Variants in ADCY2 observed in about 807,000 individuals in gnomAD.
ADCY2 encodes adenylate cyclase 2.
Under a neutral mutation model 125.2 loss-of-function variants are expected in ADCY2, and 31 were observed. The observed-to-expected ratio is 0.25, with a 90% CI of 0.19 to 0.33. The LOEUF (loss-of-function observed/expected upper bound fraction) is 0.33, where lower values mean the gene tolerates loss of function less well. Ranked by LOEUF, ADCY2 falls within the 10% of genes least tolerant of loss-of-function variation. ADCY2 has a pLI of 1.00. For missense variants in ADCY2, 904 were observed against 1,418.2 expected, an observed-to-expected ratio of 0.64 and a Z score of 5.82; for synonymous variants, 512 against 548.4, an observed-to-expected ratio of 0.93 and a Z score of 0.93.
chr5:7,770,718 GTTCCTGGGGCAAT>G (rs1296729010), intron 17 of ADCY2, among the ~76,000 whole-genome samples: 1 of 152,294 alleles, frequency 6.6e-6, no homozygotes, highest in South Asian at 2.1e-4. Flanking sequence ...GCCCCCACCA[GTTCCTGGGGCAAT>G]TTCCTGGGTT....
chr5:7,688,266 T>C, intron 4 of ADCY2, among the ~76,000 whole-genome samples: 1 of 87,064 alleles, frequency 1.1e-5, no homozygotes, highest in East Asian at 9.3e-4. Context: ...CTCCTGATTT[T>C]TTTTGTTGTT....
rs1210571525 is a variant in ADCY2, at chr5:7,820,779, TAAAAC to T, written c.3123+94_3123+98del. On this transcript the variant is annotated intron_variant, in intron 24 of 24. Transcript: ENST00000338316. ...AAGTATAATAAGGATACTAATATAT[TAAAAC>T]AAAGGAAAAAAGTAAACCTTGAAAT... The T allele has an allele frequency of 1.0e-4, 140 of 1,387,698 alleles. 1 individual carries two copies. Among genetic ancestry groups the T allele is most frequent in the Non-Finnish European group, 1.2e-4 (132 of 1,061,598 alleles). The allele number at this position is 1,387,698 out of a possible 1,614,324, so 86.0% of individuals were successfully genotyped here.
chr5:7,634,102 C>T (rs1056919087), intron 4 of ADCY2, among the ~76,000 whole-genome samples: 2 of 152,132 alleles, frequency 1.3e-5, no homozygotes, highest in Non-Finnish European at 2.9e-5. Context: ...CACAGATAGG[C>T]CACTATGCCT....
At chr5:7,603,787 T>A in intron 3 of ADCY2, among the ~76,000 whole-genome samples, 1 of 87,120 alleles carries the variant, frequency 1.1e-5, no homozygotes, top group African/African-American at 4.0e-5. Context: ...TCTCTTTCTT[T>A]TTTTTTTTTT....
chr5:7,643,438 T>C (rs1025403846), intron 4 of ADCY2, among the ~76,000 whole-genome samples: 4 of 152,072 alleles, frequency 2.6e-5, no homozygotes, highest in African/African-American at 7.2e-5. Flanking sequence ...TTTCATCCCC[T>C]GAAATTTTTA....
intron 3 of ADCY2, among the ~76,000 whole-genome samples, chr5:7,596,886 C>T (rs1308345447): frequency 6.6e-6 from 1 of 152,144 alleles, no homozygotes; most frequent in Non-Finnish European, 1.5e-5. Context: ...AAAATTTAGT[C>T]CTCATTTCAC....
At position 7,520,897 on chromosome 5, in the gene ADCY2, C is replaced by A; in HGVS notation, c.568C>A (p.Gln190Lys). 1 of 1,613,930 alleles carries A rather than the reference C, an allele frequency of 6.2e-7. No homozygotes were observed. The highest frequency in any genetic ancestry group is 1.3e-5 in the African/African-American group (1 of 75,044). Residue 190 changes from glutamine to lysine, a missense_variant and splice_region_variant, in exon 3 of 25, where the codon CAG becomes AAG. This residue lies in a region of ADCY2 where 121 missense variants were observed against 161.5 expected (regional missense o/e 0.75). Transcript: ENST00000338316. ...TPGGKEHLVW[Q>K]ILANVIIFIC... ...GGGAGGCAAGGAGCACCTGGTCTGG[C>A]AGGTGGGTGCACCTCCACATCCATG...
At chr5:7,627,090 A>C (rs1006297881) in intron 4 of ADCY2, among the ~76,000 whole-genome samples, 15 of 151,984 alleles carry the variant, frequency 9.9e-5, no homozygotes, top group African/African-American at 3.6e-4. Flanking sequence ...CCTCCCCCTC[A>C]TCGCCCCCTC....
rs569591465 is a variant in ADCY2 at position 7,779,239 on chromosome 5, T to C, written c.2385-5126T>C. Among the ~76,000 whole-genome samples the C allele has an allele frequency of 3.9e-5, 6 of 152,346 alleles. No homozygotes were observed. In the South Asian group the frequency reaches 1.2e-3, roughly 32 times the overall value. On this transcript the variant is annotated intron_variant, in intron 18 of 24. Transcript: ENST00000338316. ...AGAGCAACCGTTAGTGAACTACTTC[T>C]CTATCTGACCTAAAACAGAAAATGT...
chr5:7,759,659 A>G lies in ADCY2; in HGVS notation c.2094+2073A>G, dbSNP rs192088420. Reference sequence around the variant, plus strand: ...TCTGGGGGAGGAGGCCTCCTCTTCTAGGTCTCAGGCGTGCCTGGATGGTGA... The same window carrying G: ...TCTGGGGGAGGAGGCCTCCTCTTCTGGGTCTCAGGCGTGCCTGGATGGTGA... On this transcript the variant is annotated intron_variant, in intron 16 of 24. Transcript: ENST00000338316. Among the ~76,000 whole-genome samples, 990 of 152,292 alleles carry G rather than the reference A, an allele frequency of 6.5e-3. 4 individuals carry two copies. Among genetic ancestry groups the G allele is most frequent in the Non-Finnish European group, 0.01 (688 of 68,010 alleles).
intron 3 of ADCY2, among the ~76,000 whole-genome samples, chr5:7,546,155 T>C (rs1323339206): frequency 6.6e-6 from 1 of 152,142 alleles, no homozygotes; most frequent in African/African-American, 2.4e-5. Context: ...TAAGGTTATG[T>C]TTTCTTGTGC....
chr5:7,511,361 G>A (rs1744050933), intron 2 of ADCY2, among the ~76,000 whole-genome samples: 1 of 152,136 alleles, frequency 6.6e-6, no homozygotes, highest in African/African-American at 2.4e-5. Context: ...AGATCACGAG[G>A]TCAGGAGATC....
At position 7,559,480 on chromosome 5, in the gene ADCY2, C is replaced by T. The variant is rs113509501; in HGVS notation, c.570+38581C>T. 2.2e-4 allele frequency among the ~76,000 whole-genome samples: 34 copies of T among 151,988 alleles called. 2 individuals are homozygous for T. The highest frequency in any genetic ancestry group is 1.2e-3 in the Admixed American group (19 of 15,264). ...TTTGTGATTTGGCTCTCAGCTTGACCGTTGTTGGTGTATAGGAATGCTAGT... is the reference window on the plus strand; with the variant it reads ...TTTGTGATTTGGCTCTCAGCTTGACTGTTGTTGGTGTATAGGAATGCTAGT... On this transcript the variant is annotated intron_variant, in intron 3 of 24. Coordinates refer to ENST00000338316, the MANE Select transcript of ADCY2 (RefSeq NM_020546.3).
rs1739863479 is a variant in ADCY2 at position 7,414,602 on chromosome 5, A to T, written c.240A>T (p.Ile80=). The T allele has an allele frequency of 6.2e-7, 1 of 1,613,086 alleles. No individual in the cohort carries two copies. The highest frequency in any genetic ancestry group is 8.5e-7 in the Non-Finnish European group (1 of 1,179,770). The stretch of plus-strand genomic sequence containing the variant: ...TTGAAGACCATGTGGCGTTTCTAAT[A>T]ACAGTTCCAACTGCCCTGGCGATTT... ...LEVEDHVAFL[I]TVPTALAIFF... The change falls in exon 2 of 25, where the codon ATA becomes ATT. Residue 80 remains isoleucine, a synonymous_variant. Transcript: ENST00000338316.
At chr5:7,584,415 A>G (rs967456284) in intron 3 of ADCY2, among the ~76,000 whole-genome samples, 90 of 152,242 alleles carry the variant, frequency 5.9e-4, no homozygotes, top group Middle Eastern at 6.8e-3. Flanking sequence ...GGCAATAATA[A>G]TGCATATTTT....
intron 1 of ADCY2, among the ~76,000 whole-genome samples, chr5:7,405,349 G>C (rs1176365582): frequency 6.7e-6 from 1 of 148,870 alleles, no homozygotes; most frequent in Non-Finnish European, 1.5e-5. Context: ...TCAGGTCTTG[G>C]TTCTTCTGAC....
At chr5:7,468,472 T>C (rs1396015733) in intron 2 of ADCY2, among the ~76,000 whole-genome samples, 7 of 152,184 alleles carry the variant, frequency 4.6e-5, no homozygotes. Context: ...AGATCAAATA[T>C]ATTCATTTGT....
chr5:7,418,629 A>G (rs6885438), intron 2 of ADCY2, among the ~76,000 whole-genome samples: 10,034 of 148,476 alleles, frequency 0.068, 471 homozygotes, highest in African/African-American at 0.12. Context: ...TGAAATTAAA[A>G]ACAAAAGTCT....
intron 4 of ADCY2, among the ~76,000 whole-genome samples, chr5:7,629,416 G>T (rs534374756): frequency 4.9e-4 from 75 of 152,284 alleles, no homozygotes; most frequent in African/African-American, 1.7e-3. Flanking sequence ...TTCAGATTTT[G>T]TGATATTTTT....
Sources: gnomAD v4.1 joint callset for allele counts (sites outside exome capture counted in the v4.1 genomes callset) on GRCh38, gnomAD v4.1.1 for gene constraint, gnomAD v4.1.1 regional missense constraint, MANE v1.5 for transcripts, NCBI Gene and HGNC (gene_info 2026-07-23, HGNC 2026-07-21) for gene names.